OXNAD1: variants seen among roughly 807,000 people sequenced by gnomAD.
OXNAD1 encodes the protein oxidoreductase NAD binding domain containing 1.
OXNAD1 carries 34 observed loss-of-function variants against 32.9 expected under a neutral mutation model. That is an observed-to-expected ratio of 1.03 (90% confidence interval 0.79 to 1.38). OXNAD1 has a LOEUF of 1.38. Ranked by LOEUF, OXNAD1 falls within the 40% of genes most tolerant of loss-of-function variation. The probability of loss-of-function intolerance (pLI) is 0.00; values close to 1 mark genes in which losing one functional copy is unlikely to be tolerated. For synonymous variants in OXNAD1, 134 were observed against 135.2 expected (o/e 0.99, Z 0.06); for missense variants, 407 against 379.4 (o/e 1.07, Z -0.60).
rs1355320626 is a variant in OXNAD1 at position 16,298,745 on chromosome 3, C to G, written c.433-2881C>G. Among the ~76,000 whole-genome samples the G allele has an allele frequency of 6.6e-6, 1 of 152,108 alleles. No homozygotes were observed. Among genetic ancestry groups the G allele is most frequent in the African/African-American group, 2.4e-5 (1 of 41,432 alleles). On this transcript the variant is annotated intron_variant, in intron 6 of 8. Transcript: ENST00000285083. This position sits in a 1 kb window ranked among gnomAD's most constrained non-coding sequence, Gnocchi z 5.1. ...CAAGCTCTTGGCAGGGTAAAGGGTT[C>G]TAGACAGCTATTGTGTGCTCAGCTC...
chr3:16,271,581 A>G lies in OXNAD1; in HGVS notation c.120-78A>G. 1.7e-6 allele frequency: 2 copies of G among 1,181,020 alleles called. No homozygotes were observed. The highest frequency in any genetic ancestry group is 1.4e-5 in the South Asian group (1 of 69,618). 73.2% of individuals were successfully genotyped at this position (1,181,020 alleles called of 1,614,324 possible). On this transcript the variant is annotated intron_variant, in intron 3 of 8. Transcript: ENST00000285083. The surrounding 1 kb of genome is among the most constrained non-coding windows in gnomAD (Gnocchi z 4.6). ...ATGTTACACTGTATTTAGGATAACCATGATATTTCAGGAAAAACTAATTTT... is the reference window on the plus strand; with the variant it reads ...ATGTTACACTGTATTTAGGATAACCGTGATATTTCAGGAAAAACTAATTTT...
Position 16,312,658 on chromosome 3 carries a change from A to G in OXNAD1, c.*30+9066A>G, listed in dbSNP as rs920925873. On this transcript the variant is annotated intron_variant, in intron 9 of 9. Coordinates refer to the OXNAD1 transcript ENST00000435829. The surrounding 1 kb of genome is among the most constrained non-coding windows in gnomAD (Gnocchi z 4.7). Reference sequence around the variant, plus strand: ...GTTTGGGGTCAACCTATTCCTACTAATAAGCACTGTCTACACCTGAGAGCT... The same window carrying G: ...GTTTGGGGTCAACCTATTCCTACTAGTAAGCACTGTCTACACCTGAGAGCT... Among the ~76,000 whole-genome samples the G allele has an allele frequency of 1.3e-5, 2 of 152,198 alleles. No homozygotes were observed. The highest frequency in any genetic ancestry group is 4.8e-5 in the African/African-American group (2 of 41,452).
chr3:16,339,583 G>A (rs1163743333), downstream of OXNAD1: 1 of 152,076 alleles, frequency 6.6e-6, no homozygotes, highest in East Asian at 1.9e-4. Flanking sequence ...ACCTACCACG[G>A]GACAAACCAA....
chr3:16,279,359 AAGGG>A (rs2065585218), intron 4 of OXNAD1, among the ~76,000 whole-genome samples: 1 of 152,158 alleles, frequency 6.6e-6, no homozygotes, highest in Non-Finnish European at 1.5e-5. Flanking sequence ...GCTACAAAGA[AAGGG>A]AGGCTCCTTG....
intron 4 of OXNAD1, chr3:16,272,208 G>A (rs1005774559): frequency 1.8e-5 from 8 of 444,708 alleles, no homozygotes; most frequent in African/African-American, 1.6e-4. Flanking sequence ...ACGAGCTCTT[G>A]TTACCCTTCT....
downstream of OXNAD1, among the ~76,000 whole-genome samples, chr3:16,351,888 A>T (rs1179168856): frequency 2.6e-5 from 4 of 152,194 alleles, no homozygotes; most frequent in Non-Finnish European, 5.9e-5. The surrounding 1 kb of genome is among the most constrained non-coding windows in gnomAD (Gnocchi z 5.4). Flanking sequence ...CTAGAAAAAA[A>T]AATCATGAAA....
At chr3:16,324,620 C>CCCCG (rs971398885) in intron 9 of OXNAD1, among the ~76,000 whole-genome samples, 3 of 143,002 alleles carry the variant, frequency 2.1e-5, no homozygotes, top group Middle Eastern at 3.8e-3. Flanking sequence ...CTGACCCCCC[C>CCCCG]CCTTTTAAGG....
chr3:16,284,507 G>C lies in OXNAD1; in HGVS notation c.184-1835G>C, dbSNP rs1655330058. Among the ~76,000 whole-genome samples, 1 of 152,186 alleles carries C rather than the reference G, an allele frequency of 6.6e-6. No individual in the cohort carries two copies. The highest frequency in any genetic ancestry group is 1.5e-5 in the Non-Finnish European group (1 of 68,020). On this transcript the variant is annotated intron_variant, in intron 4 of 8. Coordinates refer to ENST00000285083, the MANE Select transcript of OXNAD1 (RefSeq NM_138381.5). This position sits in a 1 kb window ranked among gnomAD's most constrained non-coding sequence, Gnocchi z 4.1. ...ACTGTACTGAATATTTCAGGCGTTT[G>C]TAACACAATATTTGTGTGTCTAAAC...
At chr3:16,339,119 G>C (rs1439426264), downstream of OXNAD1, among the ~76,000 whole-genome samples, 4 of 152,162 alleles carry the variant, frequency 2.6e-5, no homozygotes, top group Non-Finnish European at 5.9e-5. Flanking sequence ...ACTAAGGAAG[G>C]GATTGGGTAA....
chr3:16,268,285 T>A (rs2124957502), intron 1 of OXNAD1, among the ~76,000 whole-genome samples: 1 of 140,462 alleles, frequency 7.1e-6, no homozygotes, highest in South Asian at 2.5e-4. Flanking sequence ...TTTCACAAAA[T>A]AAAATCTTAG....
chr3:16,323,268 G>T, intron 9 of OXNAD1: 2 of 780,716 alleles, frequency 2.6e-6, no homozygotes, highest in Admixed American at 2.5e-5. Context: ...CTTGGGCTCT[G>T]CGAGCCCTTG....
At chr3:16,311,391 C>T (rs531024699) in intron 9 of OXNAD1, among the ~76,000 whole-genome samples, 2 of 152,186 alleles carry the variant, frequency 1.3e-5, no homozygotes, top group South Asian at 2.1e-4. Context: ...AGGGTTTCAC[C>T]ATGTTGGCCA....
At chr3:16,291,464 A>G (rs1326110415) in intron 5 of OXNAD1, among the ~76,000 whole-genome samples, 3 of 152,162 alleles carry the variant, frequency 2.0e-5, no homozygotes, top group African/African-American at 7.2e-5. Context: ...TTTTGTCTCT[A>G]TGGATTTGTC....
In OXNAD1 at chr3:16,301,495, T is replaced by C; in HGVS notation, c.433-131T>C. 9.0e-7 allele frequency: 1 copy of C among 1,114,370 alleles called. No individual in the cohort carries two copies. The highest frequency in any genetic ancestry group is 1.6e-5 in the South Asian group (1 of 61,130). The allele number at this position is 1,114,370 out of a possible 1,614,324, so 69.0% of individuals were successfully genotyped here. A position where few individuals can be genotyped will look rare whatever the true frequency, so the allele number is the denominator to read the frequency against. ...ATCAATTCACAGGGCATCGGGAAAATTGGGAGCAAGCTATAAAAATAGTCT... is the reference window on the plus strand; with the variant it reads ...ATCAATTCACAGGGCATCGGGAAAACTGGGAGCAAGCTATAAAAATAGTCT... On this transcript the variant is annotated intron_variant, in intron 6 of 8. Transcript: ENST00000285083. This position sits in a 1 kb window ranked among gnomAD's most constrained non-coding sequence, Gnocchi z 4.1.
At chr3:16,293,232 T>C (rs547418444) in intron 5 of OXNAD1, among the ~76,000 whole-genome samples, 8 of 152,354 alleles carry the variant, frequency 5.3e-5, no homozygotes, top group African/African-American at 1.9e-4. Flanking sequence ...GTGTAAGTCT[T>C]ACACTTATTT....
chr3:16,288,366 G>A lies in OXNAD1; in HGVS notation c.290+1918G>A, dbSNP rs368773581. On this transcript the variant is annotated intron_variant, in intron 5 of 8. Coordinates refer to ENST00000285083, the MANE Select transcript of OXNAD1 (RefSeq NM_138381.5). The surrounding 1 kb of genome is among the most constrained non-coding windows in gnomAD (Gnocchi z 5.1). ...GGGTTGCTGTTGGGCTTATCTTTGG[G>A]GTAAGAGATTGGGCCGTGATTCCAC... Among the ~76,000 whole-genome samples, 1 of 152,114 alleles carries A rather than the reference G, an allele frequency of 6.6e-6. No homozygotes were observed. Among genetic ancestry groups the A allele is most frequent in the East Asian group, 1.9e-4 (1 of 5,200 alleles).
chr3:16,341,989 A>G (rs1169220054), downstream of OXNAD1, among the ~76,000 whole-genome samples: 1 of 152,134 alleles, frequency 6.6e-6, no homozygotes, highest in Non-Finnish European at 1.5e-5. The surrounding 1 kb of genome is among the most constrained non-coding windows in gnomAD (Gnocchi z 4.7). Context: ...CTTGACCTGT[A>G]TTTTCTAAAT....
rs911016945 is a variant in OXNAD1 at position 16,277,504 on chromosome 3, T to C, written c.183+5782T>C. On this transcript the variant is annotated intron_variant, in intron 4 of 8. Coordinates refer to ENST00000285083, the MANE Select transcript of OXNAD1 (RefSeq NM_138381.5). This position sits in a 1 kb window ranked among gnomAD's most constrained non-coding sequence, Gnocchi z 4.3. ...TCTTGCCTTTAATTTGTATAGTGAGTATACTTTACACATGTTATTTGCTCT... is the reference window on the plus strand; with the variant it reads ...TCTTGCCTTTAATTTGTATAGTGAGCATACTTTACACATGTTATTTGCTCT... 2.3e-4 allele frequency among the ~76,000 whole-genome samples: 35 copies of C among 152,142 alleles called. No individual in the cohort carries two copies. The highest frequency in any genetic ancestry group is 8.2e-4 in the African/African-American group (34 of 41,424).
downstream of OXNAD1, among the ~76,000 whole-genome samples, chr3:16,341,730 ATAAAT>A (rs1248732891): frequency 3.3e-5 from 5 of 152,246 alleles, no homozygotes; most frequent in Non-Finnish European, 4.4e-5. The surrounding 1 kb of genome is among the most constrained non-coding windows in gnomAD (Gnocchi z 4.7). Context: ...AACTAATTAA[ATAAAT>A]TAAAATTTTT....
Sources: gnomAD v4.1 joint callset for allele counts (sites outside exome capture counted in the v4.1 genomes callset) on GRCh38, gnomAD v4.1.1 for gene constraint, Gnocchi (gnomAD v3.1) non-coding constraint, MANE v1.5 for transcripts, NCBI Gene and HGNC (gene_info 2026-07-23, HGNC 2026-07-21) for gene names.